Variants in ASAP1 observed in about 807,000 individuals in gnomAD.
ASAP1 encodes the protein arf-GAP with SH3 domain, ANK repeat and PH domain-containing protein 1.
In ASAP1, 43 loss-of-function variants were observed where a neutral mutation model predicts 145.2. That is an observed-to-expected ratio of 0.30 (90% CI 0.23 to 0.38). The LOEUF (loss-of-function observed/expected upper bound fraction) is 0.38, where lower values mean the gene tolerates loss of function less well. Ranked by LOEUF, ASAP1 falls within the 10% of genes least tolerant of loss-of-function variation. The pLI is 1.00. For missense variants in ASAP1, 1,018 were observed against 1,355.3 expected (o/e 0.75, Z 3.91); for synonymous variants, 546 against 515.5 (o/e 1.06, Z -0.80).
At chr8:130,215,930 A>G (rs552926977) in intron 4 of ASAP1, among the ~76,000 whole-genome samples, 1 of 151,842 alleles carries the variant, frequency 6.6e-6, no homozygotes, top group South Asian at 2.1e-4. Context: ...TCTCCAAAAA[A>G]AAAGAAAGAA....
chr8:130,123,126 A>G (rs1460452848), intron 18 of ASAP1, among the ~76,000 whole-genome samples: 1 of 152,190 alleles, frequency 6.6e-6, no homozygotes, highest in Non-Finnish European at 1.5e-5. Flanking sequence ...ATTTCATCAG[A>G]TGCCTACAGA....
At chr8:130,362,408 A>C (rs1462148572) in intron 2 of ASAP1, among the ~76,000 whole-genome samples, 3 of 152,228 alleles carry the variant, frequency 2.0e-5, no homozygotes, top group Non-Finnish European at 4.4e-5. Context: ...CATGGACCTG[A>C]GCTTAAAACT....
At chr8:130,362,379 G>A (rs76504415) in intron 2 of ASAP1, among the ~76,000 whole-genome samples, 3,057 of 152,306 alleles carry the variant, frequency 0.02, 98 homozygotes, top group African/African-American at 0.068. Flanking sequence ...AAAGTGGGAA[G>A]GGAACACACT....
intron 15 of ASAP1, among the ~76,000 whole-genome samples, chr8:130,132,324 G>A (rs2097584408): frequency 6.6e-6 from 1 of 152,186 alleles, no homozygotes; most frequent in African/African-American, 2.4e-5. Context: ...ACCTGTGGGT[G>A]GAGGGCCAGG....
intron 12 of ASAP1, among the ~76,000 whole-genome samples, chr8:130,153,343 ATATATATATATATATG>A (rs1316041989): frequency 2.7e-4 from 13 of 47,476 alleles, no homozygotes; most frequent in South Asian, 1.4e-3. Flanking sequence ...ATATATATAT[ATATATATATATATATG>A]TATATATATA....
At chr8:130,188,050 A>AC in intron 6 of ASAP1, 59 bp downstream of exon 6, 12 of 1,190,280 alleles carry the variant, frequency 1.0e-5, no homozygotes, top group Non-Finnish European at 1.4e-5. Context: ...ATCTTGAAAG[A>AC]GGAAAAAAAA....
intron 5 of ASAP1, among the ~76,000 whole-genome samples, chr8:130,205,704 A>G (rs1423571045): frequency 1.3e-5 from 2 of 149,074 alleles, no homozygotes; most frequent in African/African-American, 2.5e-5. Flanking sequence ...TAGTCTTTAT[A>G]TATCAGACTT....
intron 1 of ASAP1, among the ~76,000 whole-genome samples, chr8:130,433,608 T>C (rs1050306006): frequency 8.5e-5 from 13 of 152,328 alleles, no homozygotes; most frequent in African/African-American, 2.9e-4. Flanking sequence ...CATCTTCATA[T>C]CCTAAGTGCT....
chr8:130,370,253 G>A (rs116525582), intron 2 of ASAP1, among the ~76,000 whole-genome samples: 2,468 of 152,292 alleles, frequency 0.016, 69 homozygotes, highest in African/African-American at 0.055. Context: ...AGTCAGCTGA[G>A]ATCACACCGT....
In ASAP1 at chr8:130,375,236, C is replaced by T. The variant is rs571786362; in HGVS notation, c.60-17093G>A. Among the ~76,000 whole-genome samples, 62 of 152,194 alleles carry T rather than the reference C, an allele frequency of 4.1e-4. 1 individual carries two copies. In the South Asian group the frequency reaches 0.013, roughly 31 times the overall value. ...GCAGGGCTCTAAACCCTTGGATCCC[C>T]CAGGCGTTAGGAGGATAATGCGCCC... On this transcript the variant is annotated intron_variant, in intron 2 of 29. Coordinates refer to ENST00000518721, the MANE Select transcript of ASAP1 (RefSeq NM_018482.4).
In ASAP1 at chr8:130,076,401, C is replaced by G. The variant is rs1208815827; in HGVS notation, c.2648G>C (p.Ser883Thr). Residue 883 changes from serine (S) to threonine (T), a missense_variant, in exon 27 of 30, where the codon AGT (serine) becomes ACT (threonine). Physicochemically the swap from Ser to Thr is moderately conservative, Grantham distance 58 (BLOSUM62 1). Coordinates refer to ENST00000518721, the MANE Select transcript of ASAP1 (RefSeq NM_018482.4). ...FEGLSQQSST[S>T]SAKTALGPRV... is the part of the protein sequence containing the mutation. ...TGGGCCAAGGGCAGTCTTTGCAGAA[C>G]TGGTGCTAATCAACAAATAAGAATC... is the stretch of plus-strand genomic sequence containing the variant. 9 of 1,609,758 alleles carry G rather than the reference C, an allele frequency of 5.6e-6. No homozygotes were observed. Among genetic ancestry groups the G allele is most frequent in the Non-Finnish European group, 7.6e-6 (9 of 1,177,922 alleles).
intron 3 of ASAP1, among the ~76,000 whole-genome samples, chr8:130,299,916 C>T (rs1266117168): frequency 1.3e-4 from 20 of 151,904 alleles, no homozygotes; most frequent in Admixed American, 1.3e-3. Context: ...TTTCTTCATA[C>T]AAATCTTCGT....
In ASAP1 at chr8:130,114,796, T is replaced by C. The variant is rs542317877; in HGVS notation, c.2172+832A>G. ...TTTTTTTTTTTTTTTTTTTAAGATA[T>C]AGGGTCTTGCTCTGTCATTCAGGTC... On this transcript the variant is annotated intron_variant, in intron 23 of 29. Transcript: ENST00000518721. Among the ~76,000 whole-genome samples the C allele has an allele frequency of 3.9e-4, 57 of 147,736 alleles. 2 individuals are homozygous for C. In the South Asian group the frequency reaches 0.01, roughly 27 times the overall value.
chr8:130,195,126 T>G (rs1815393722), intron 5 of ASAP1: 2 of 152,338 alleles, frequency 1.3e-5, no homozygotes, highest in Admixed American at 1.3e-4. Context: ...TTCCTTTCCT[T>G]TATTCATTAA....
At chr8:130,256,918 A>C (rs890814818) in intron 3 of ASAP1, among the ~76,000 whole-genome samples, 10 of 151,422 alleles carry the variant, frequency 6.6e-5, no homozygotes, top group Non-Finnish European at 1.5e-4. Context: ...TCGATGATTT[A>C]AGAAGTGTGT....
chr8:130,298,910 T>C (rs1463599543), intron 3 of ASAP1, among the ~76,000 whole-genome samples: 1 of 152,134 alleles, frequency 6.6e-6, no homozygotes, highest in East Asian at 1.9e-4. Flanking sequence ...AGATTACAGG[T>C]ATTAGGGCGG....
chr8:130,394,964 GC>G (rs1828459176), intron 2 of ASAP1, among the ~76,000 whole-genome samples: 1 of 152,106 alleles, frequency 6.6e-6, no homozygotes, highest in Non-Finnish European at 1.5e-5. Flanking sequence ...TACCCACCAG[GC>G]CCAGCTTTCC....
intron 24 of ASAP1, among the ~76,000 whole-genome samples, chr8:130,095,342 C>T (rs2097515155): frequency 6.9e-6 from 1 of 145,470 alleles, no homozygotes; most frequent in Non-Finnish European, 1.5e-5. Flanking sequence ...ACTCTGTCGC[C>T]CAGGCTGGAG....
intron 1 of ASAP1, among the ~76,000 whole-genome samples, chr8:130,416,479 G>C (rs1413347324): frequency 6.6e-6 from 1 of 152,172 alleles, no homozygotes; most frequent in South Asian, 2.1e-4. Context: ...CTGCCGACCA[G>C]TCAACAACAT....
Sources: allele counts gnomAD v4.1 joint callset (sites outside exome capture counted in the v4.1 genomes callset), GRCh38; gene constraint gnomAD v4.1.1; transcripts MANE v1.5; gene names NCBI Gene and HGNC (gene_info 2026-07-23, HGNC 2026-07-21).